DISC1: variants seen among roughly 807,000 people sequenced by gnomAD.
DISC1 encodes the protein DISC1 scaffold protein, also known as disrupted in schizophrenia 1 protein.
Under a neutral mutation model 84.5 loss-of-function variants are expected in DISC1, and 57 were observed. That is an observed-to-expected ratio of 0.67 (90% CI 0.55 to 0.84). DISC1 has a LOEUF of 0.84. Among genes scored for constraint, DISC1 ranks in the 40% least tolerant of loss-of-function variants. DISC1 has a pLI of 0.00. For synonymous variants in DISC1, 411 were observed against 415.2 expected, an observed-to-expected ratio of 0.99 and a Z score of 0.12; for missense variants, 1,000 against 1,057.8, an observed-to-expected ratio of 0.95 and a Z score of 0.76.
chr1:231,843,853 G>T (rs983335072), intron 9 of DISC1, among the ~76,000 whole-genome samples: 1 of 152,204 alleles, frequency 6.6e-6, no homozygotes, highest in Non-Finnish European at 1.5e-5. Context: ...GAGATGTTCA[G>T]TGGAGAGCTG....
chr1:231,956,736 G>A (rs756994992), intron 9 of DISC1, among the ~76,000 whole-genome samples: 3 of 152,170 alleles, frequency 2.0e-5, no homozygotes, highest in Non-Finnish European at 4.4e-5. Flanking sequence ...TCCATCCTGC[G>A]ATGTCTGGGT....
chr1:231,770,159 G>T (rs1015821923), intron 5 of DISC1, among the ~76,000 whole-genome samples: 1 of 152,146 alleles, frequency 6.6e-6, no homozygotes, highest in East Asian at 1.9e-4. Context: ...GCAGTGAGAC[G>T]ATGATCTACT....
At chr1:231,914,224 A>T (rs948449832) in intron 9 of DISC1, among the ~76,000 whole-genome samples, 7 of 152,206 alleles carry the variant, frequency 4.6e-5, no homozygotes, top group Non-Finnish European at 1.0e-4. Flanking sequence ...TGCATAGGAG[A>T]TGAATGTATT....
intron 7 of DISC1, among the ~76,000 whole-genome samples, chr1:231,799,675 A>C (rs1181100606): frequency 6.6e-6 from 1 of 151,718 alleles, no homozygotes; most frequent in African/African-American, 2.4e-5. Context: ...GGCCTGGAGA[A>C]GGCAGGAGGC....
chr1:231,640,097 A>G (rs1428702938), intron 1 of DISC1, among the ~76,000 whole-genome samples: 1 of 152,196 alleles, frequency 6.6e-6, no homozygotes, highest in African/African-American at 2.4e-5. Context: ...GATGAATTAG[A>G]GAAGGCTTGA....
At chr1:231,771,206 T>C (rs2076528409) in intron 6 of DISC1, 136 bp downstream of exon 6, 1 of 1,451,892 alleles carries the variant, frequency 6.9e-7, no homozygotes, top group African/African-American at 1.4e-5. Context: ...CCATTGGTGT[T>C]TTGGGTGGGA....
chr1:231,907,609 A>T (rs1033728529), intron 9 of DISC1, among the ~76,000 whole-genome samples: 25 of 152,300 alleles, frequency 1.6e-4, no homozygotes, highest in Admixed American at 1.5e-3. Context: ...CAAGTCTGCT[A>T]TTGTGAATAG....
chr1:231,820,735 A>G (rs1189536534), intron 9 of DISC1, among the ~76,000 whole-genome samples: 7 of 152,226 alleles, frequency 4.6e-5, no homozygotes, highest in African/African-American at 9.6e-5. Context: ...ATCCCCTTTA[A>G]GTACGCTTTT....
intron 9 of DISC1, among the ~76,000 whole-genome samples, chr1:231,945,930 ATAAAC>A (rs1657097796): frequency 6.6e-6 from 1 of 152,236 alleles, no homozygotes; most frequent in Non-Finnish European, 1.5e-5. Flanking sequence ...GAATCCCTGA[ATAAAC>A]TAATAACAAG....
At chr1:231,999,331 A>C (rs543016429) in intron 10 of DISC1, among the ~76,000 whole-genome samples, 2 of 152,194 alleles carry the variant, frequency 1.3e-5, no homozygotes, top group Non-Finnish European at 2.9e-5. Flanking sequence ...ACATAGCTTC[A>C]GGGCTTCCTA....
chr1:231,686,475 C>G (rs1222121691), intron 1 of DISC1, among the ~76,000 whole-genome samples: 2 of 152,196 alleles, frequency 1.3e-5, no homozygotes, highest in African/African-American at 4.8e-5. Context: ...ACGGCCCGAG[C>G]TCTATGTTGG....
chr1:231,981,797 G>A (rs1663640182), intron 10 of DISC1, among the ~76,000 whole-genome samples: 1 of 152,142 alleles, frequency 6.6e-6, no homozygotes, highest in Admixed American at 6.5e-5. Flanking sequence ...ATGGGGCTGG[G>A]GAGAACCAGT....
At chr1:231,726,286 G>A (rs1340982) in intron 3 of DISC1, among the ~76,000 whole-genome samples, 58,658 of 152,116 alleles carry the variant, frequency 0.39, 11,732 homozygotes, top group African/African-American at 0.49. Flanking sequence ...TATGGCAACA[G>A]TGGGCTTCCT....
intron 3 of DISC1, among the ~76,000 whole-genome samples, chr1:231,748,067 T>C (rs573504303): frequency 2.8e-4 from 42 of 152,328 alleles, no homozygotes; most frequent in Admixed American, 7.8e-4. Context: ...ATGCCACTGG[T>C]TTTTGTATAT....
intron 7 of DISC1, among the ~76,000 whole-genome samples, chr1:231,796,318 T>C (rs1367697814): frequency 6.9e-6 from 1 of 144,954 alleles, no homozygotes; most frequent in East Asian, 2.1e-4. Flanking sequence ...TTGCAGTTGG[T>C]CTGGGAACGA....
At chr1:231,788,903 C>T (rs1341988443) in intron 6 of DISC1, among the ~76,000 whole-genome samples, 2 of 151,606 alleles carry the variant, frequency 1.3e-5, no homozygotes, top group African/African-American at 4.9e-5. Flanking sequence ...CACCCCACCC[C>T]ACTTATTTCT....
At chr1:231,795,365 T>TAG in intron 7 of DISC1, 69 bp downstream of exon 7, 1 of 1,401,022 alleles carries the variant, frequency 7.1e-7, no homozygotes. Context: ...ATTTTACATC[T>TAG]AGATCTTAGG....
intron 9 of DISC1, among the ~76,000 whole-genome samples, chr1:231,891,228 A>C (rs1310427878): frequency 6.7e-6 from 1 of 150,280 alleles, no homozygotes; most frequent in African/African-American, 2.4e-5. Flanking sequence ...AGAAAATTGC[A>C]AAAAAAAAAT....
At chr1:231,770,551 A>T (rs2076477368) in intron 5 of DISC1, among the ~76,000 whole-genome samples, 1 of 152,178 alleles carries the variant, frequency 6.6e-6, no homozygotes, top group Non-Finnish European at 1.5e-5. Context: ...GAAGTAAGTC[A>T]TTTATGTATC....
Sources: allele counts gnomAD v4.1 joint callset (sites outside exome capture counted in the v4.1 genomes callset), GRCh38; gene constraint gnomAD v4.1.1; transcripts MANE v1.5; gene names NCBI Gene and HGNC (gene_info 2026-07-23, HGNC 2026-07-21).